NT5DC3: variants seen among roughly 807,000 people sequenced by gnomAD.
The protein encoded by NT5DC3 is 5'-nucleotidase domain-containing protein 3.
NT5DC3 carries 42 observed loss-of-function variants against 67.8 expected under a neutral mutation model. The ratio of observed to expected loss-of-function variants is 0.62; its 90% CI spans 0.48 to 0.80. NT5DC3 has a LOEUF of 0.80. Among genes scored for constraint, NT5DC3 ranks in the 30% least tolerant of loss-of-function variants. The pLI is 0.00. For synonymous variants in NT5DC3, 237 were observed against 255.6 expected, an observed-to-expected ratio of 0.93 and a Z score of 0.69; for missense variants, 570 against 696.4, an observed-to-expected ratio of 0.82 and a Z score of 2.04.
At chr12:103,799,343 C>A (rs968082060) in intron 4 of NT5DC3, among the ~76,000 whole-genome samples, 1 of 152,108 alleles carries the variant, frequency 6.6e-6, no homozygotes, top group Non-Finnish European at 1.5e-5. Context: ...GTGGGAGGGA[C>A]CTGGTGGGAG....
downstream of NT5DC3, among the ~76,000 whole-genome samples, chr12:103,767,101 C>CAAGA (rs1343852448): frequency 6.6e-6 from 1 of 152,090 alleles, no homozygotes; most frequent in Non-Finnish European, 1.5e-5. Flanking sequence ...AGACAGAAAT[C>CAAGA]AAGATATGTC....
At chr12:103,763,513 G>A in the NT5DC3 span, 68 of 1,613,954 alleles carry the variant, frequency 4.2e-5, no homozygotes, top group Non-Finnish European at 5.4e-5. Flanking sequence ...CATTAATGTT[G>A]CAGCTCTTGG....
At chr12:103,813,008 C>T (rs1436106749) in intron 2 of NT5DC3, among the ~76,000 whole-genome samples, 1 of 152,192 alleles carries the variant, frequency 6.6e-6, no homozygotes, top group African/African-American at 2.4e-5. Flanking sequence ...TATGTAGGAA[C>T]TAAGTGATAA....
chr12:103,790,474 C>A (rs892571282), intron 9 of NT5DC3, among the ~76,000 whole-genome samples: 1 of 151,758 alleles, frequency 6.6e-6, no homozygotes, highest in Non-Finnish European at 1.5e-5. Flanking sequence ...TGGGATTTCA[C>A]CATGTTGAAC....
At chr12:103,835,826 A>G (rs887989123) in intron 1 of NT5DC3, among the ~76,000 whole-genome samples, 2 of 152,184 alleles carry the variant, frequency 1.3e-5, no homozygotes, top group African/African-American at 4.8e-5. Context: ...ATATCAGTCC[A>G]TTTTCACGCT....
At chr12:103,805,023 C>A (rs1158856926) in intron 4 of NT5DC3, among the ~76,000 whole-genome samples, 3 of 151,310 alleles carry the variant, frequency 2.0e-5, no homozygotes, top group Non-Finnish European at 2.9e-5. Context: ...TGCACTCCAG[C>A]CTGGGCAACA....
At chr12:103,771,727 T>G (rs1302966676), downstream of NT5DC3, among the ~76,000 whole-genome samples, 1 of 152,214 alleles carries the variant, frequency 6.6e-6, no homozygotes, top group Non-Finnish European at 1.5e-5. Context: ...CCCAAATAAC[T>G]GCATTCCACA....
At chr12:103,765,983 T>TTTAATCCTCCTACCTCC (rs1295266930), downstream of NT5DC3, 4 of 501,182 alleles carry the variant, frequency 8.0e-6, no homozygotes, top group African/African-American at 7.7e-5. Context: ...TAGGCTCTAA[T>TTTAATCCTCCTACCTCC]TTAATCCTCC....
chr12:103,778,623 A>C (rs1885427407), intron 13 of NT5DC3, among the ~76,000 whole-genome samples: 1 of 152,102 alleles, frequency 6.6e-6, no homozygotes, highest in South Asian at 2.1e-4. Flanking sequence ...TGGGCAACAT[A>C]GTGAGACCTT....
chr12:103,832,831 A>T (rs1887989511), intron 1 of NT5DC3, among the ~76,000 whole-genome samples: 1 of 152,234 alleles, frequency 6.6e-6, no homozygotes, highest in Non-Finnish European at 1.5e-5. Flanking sequence ...CTAAATGAGC[A>T]CTGGGTCACC....
At chr12:103,826,971 C>T (rs963641131) in intron 1 of NT5DC3, among the ~76,000 whole-genome samples, 1 of 152,188 alleles carries the variant, frequency 6.6e-6, no homozygotes, top group Non-Finnish European at 1.5e-5. Flanking sequence ...TGCCTGGGCG[C>T]GGTGGCTCAT....
intron 2 of NT5DC3, among the ~76,000 whole-genome samples, chr12:103,812,234 G>A (rs183899670): frequency 2.0e-5 from 3 of 152,304 alleles, no homozygotes; most frequent in East Asian, 3.9e-4. Context: ...CGTCTCAAAA[G>A]CGATGTCTTT....
the NT5DC3 span, chr12:103,759,406 T>A: frequency 7.6e-7 from 1 of 1,319,504 alleles, no homozygotes; most frequent in Non-Finnish European, 1.0e-6. Context: ...GGGACGGTGT[T>A]AACTGCCCAC....
chr12:103,764,500 A>C, the NT5DC3 span, among the ~76,000 whole-genome samples: 1 of 152,220 alleles, frequency 6.6e-6, no homozygotes, highest in Non-Finnish European at 1.5e-5. Flanking sequence ...GGTACCCCAT[A>C]CATAACACAT....
chr12:103,801,623 T>C (rs998384339), intron 4 of NT5DC3, among the ~76,000 whole-genome samples: 1 of 151,912 alleles, frequency 6.6e-6, no homozygotes, highest in African/African-American at 2.4e-5. Context: ...CCTCGTGATC[T>C]ACCTGCCTCA....
chr12:103,825,423 A>C (rs1006279518), intron 1 of NT5DC3, among the ~76,000 whole-genome samples: 4 of 152,238 alleles, frequency 2.6e-5, no homozygotes, highest in African/African-American at 9.6e-5. Context: ...AATCTTTAAA[A>C]AAAATCTTTA....
At position 103,777,979 on chromosome 12, in the gene NT5DC3, G is replaced by A; in HGVS notation, c.1497C>T (p.Ile499=). The A allele has an allele frequency of 6.2e-7, 1 of 1,614,222 alleles. No homozygotes were observed. The highest frequency in any genetic ancestry group is 8.5e-7 in the Non-Finnish European group (1 of 1,180,040). ...GGAGGCAGCTCAGAGACGCCATGTA[G>A]ATGTCAGCGAAGCGCGACAGGCGCC... ...FLRRLSRFAD[I]YMASLSCLLN... Residue 499 remains isoleucine, a synonymous_variant, in exon 14 of 14, where the codon ATC becomes ATT. Transcript: ENST00000392876.
Position 103,775,187 on chromosome 12 carries a change from C to G in NT5DC3, c.*2642G>C, listed in dbSNP as rs762320656. The G allele has an allele frequency of 1.3e-5, 2 of 152,208 alleles. No homozygotes were observed. Among genetic ancestry groups the G allele is most frequent in the African/African-American group, 2.4e-5 (1 of 41,438 alleles). The allele number at this position is 152,208 out of a possible 1,614,324, so 9.4% of individuals were successfully genotyped here. On this transcript the variant is annotated 3_prime_UTR_variant, in exon 14 of 14. Coordinates refer to ENST00000392876, the MANE Select transcript of NT5DC3 (RefSeq NM_001031701.3). ...GTCTGCAAGGTACACAGTCAGTGAG[C>G]CTTGGTGGCCCAGATGTCAGGCTTC...
At chr12:103,746,506 T>C in the NT5DC3 span, 1 of 1,188,796 alleles carries the variant, frequency 8.4e-7, no homozygotes, top group Non-Finnish European at 1.2e-6. Context: ...AACACAGTGG[T>C]CGTCCAGAGA....
Sources: gnomAD v4.1 joint callset for allele counts (sites outside exome capture counted in the v4.1 genomes callset) on GRCh38, gnomAD v4.1.1 for gene constraint, MANE v1.5 for transcripts, NCBI Gene and HGNC (gene_info 2026-07-23, HGNC 2026-07-21) for gene names.